Variants in RIMBP2 observed in about 807,000 individuals in gnomAD.
The protein encoded by RIMBP2 is RIMS binding protein 2.
Under a neutral mutation model 118.6 loss-of-function variants are expected in RIMBP2, and 48 were observed. The ratio of observed to expected loss-of-function variants is 0.40; its 90% confidence interval spans 0.32 to 0.51. RIMBP2 has a LOEUF of 0.51. RIMBP2 is among the 20% of genes least tolerant of loss of function. The pLI is 0.41. For missense variants in RIMBP2, 1,551 were observed against 1,768.3 expected, an observed-to-expected ratio of 0.88 and a Z score of 2.20; for synonymous variants, 762 against 742.9, an observed-to-expected ratio of 1.03 and a Z score of -0.42.
chr12:130,582,767 A>G (rs1265915999), intron 2 of RIMBP2, among the ~76,000 whole-genome samples: 1 of 152,156 alleles, frequency 6.6e-6, no homozygotes, highest in African/African-American at 2.4e-5. Context: ...CAAGCCTTCT[A>G]TGTGGTTCTG....
At chr12:130,510,789 C>T (rs1454611296) in intron 3 of RIMBP2, among the ~76,000 whole-genome samples, 8 of 152,178 alleles carry the variant, frequency 5.3e-5, no homozygotes, top group Admixed American at 5.2e-4. Context: ...CTTTCATGGA[C>T]CTCGTCTCAT....
chr12:130,506,221 C>A (rs541494979), intron 4 of RIMBP2, among the ~76,000 whole-genome samples: 2 of 151,984 alleles, frequency 1.3e-5, no homozygotes, highest in East Asian at 3.9e-4. Flanking sequence ...ACCTGTACCC[C>A]CTGATAGAGC....
chr12:130,494,365 A>G (rs12814740), intron 4 of RIMBP2, among the ~76,000 whole-genome samples: 20,770 of 152,146 alleles, frequency 0.14, 2,426 homozygotes, highest in African/African-American at 0.3. Flanking sequence ...GATGCAAAGC[A>G]CAGTGGCTCA....
intron 18 of RIMBP2, among the ~76,000 whole-genome samples, 185 bp downstream of exon 18, chr12:130,413,940 A>G (rs1248669919): frequency 6.6e-6 from 1 of 152,230 alleles, no homozygotes; most frequent in Admixed American, 6.5e-5. Context: ...CAGATGCTGG[A>G]GAAGGCACTT....
rs149905625 is a variant in RIMBP2 at position 130,434,830 on chromosome 12, G to A, written c.2157C>T (p.Ala719=). 4.0e-5 allele frequency: 64 copies of A among 1,613,634 alleles called. No individual in the cohort carries two copies. The highest frequency in any genetic ancestry group is 3.7e-4 in the African/African-American group (28 of 74,994). ...CATAGGCGTCCTCCTCGTCTGAGGC[G>A]GCGTACTGCCCCGCGCTGCTTCTCT... ...FLERSSAGQY[A]ASDEEDAYDS... is the part of the protein sequence containing the mutation. Residue 719 remains alanine (A), a synonymous_variant, in exon 14 of 23, where the codon GCC becomes GCT. Transcript: ENST00000690449. This position sits in a 1 kb window ranked among gnomAD's most constrained non-coding sequence, Gnocchi z 5.7.
rs1229510540 is a variant in RIMBP2, at chr12:130,524,463, A to T, written c.-216-6546T>A. 9.9e-5 allele frequency among the ~76,000 whole-genome samples: 15 copies of T among 152,146 alleles called. 1 individual carries two copies. The highest frequency in any genetic ancestry group is 9.2e-4 in the Admixed American group (14 of 15,272). ...TGCACAGACCCACAGTGGAGAGGAC[A>T]CACCACATGCAGAGAGCTACAGACA... On this transcript the variant is annotated intron_variant, in intron 2 of 22. Transcript: ENST00000690449.
chr12:130,658,768 G>C (rs953326182), intron 1 of RIMBP2: 2 of 152,246 alleles, frequency 1.3e-5, no homozygotes, highest in African/African-American at 4.8e-5. Flanking sequence ...GCCCGCACCC[G>C]CTGAGCCTTC....
At chr12:130,589,200 C>T (rs1004409302) in intron 2 of RIMBP2, among the ~76,000 whole-genome samples, 2 of 152,152 alleles carry the variant, frequency 1.3e-5, no homozygotes, top group African/African-American at 2.4e-5. Context: ...GGCTGTCAAC[C>T]CAATTAATTC....
rs12367154 is a variant in RIMBP2, at chr12:130,538,037, A to T, written c.-216-20120T>A. On this transcript the variant is annotated intron_variant, in intron 2 of 22. Coordinates refer to ENST00000690449, the MANE Select transcript of RIMBP2 (RefSeq NM_001393629.1). ...CCAAAAACTGACAAAAGCAAAATGC[A>T]GGTCAGTAGAACCCCTCAGTGTGGA... is the stretch of plus-strand genomic sequence containing the variant. 2.5e-3 allele frequency among the ~76,000 whole-genome samples: 385 copies of T among 152,284 alleles called. 1 individual carries two copies. The highest frequency in any genetic ancestry group is 4.6e-3 in the Non-Finnish European group (310 of 68,024).
At chr12:130,430,154 T>C (rs2136920318) in intron 14 of RIMBP2, 1 of 152,414 alleles carries the variant, frequency 6.6e-6, no homozygotes, top group Middle Eastern at 3.4e-3. Context: ...GCTCAGCAAG[T>C]AAACGACAGG....
chr12:130,424,987 T>C lies in RIMBP2; in HGVS notation c.2413-129A>G, dbSNP rs1364777334. ...GGCACCGAGGGGGGGGAAGCATGCG[T>C]CTACTCAGGCCGGGGGCATGCCGTG... On this transcript the variant is annotated intron_variant, in intron 15 of 22. Transcript: ENST00000690449. The surrounding 1 kb of genome is among the most constrained non-coding windows in gnomAD (Gnocchi z 9.8). 6.4e-6 allele frequency: 3 copies of C among 469,238 alleles called. No individual in the cohort carries two copies. The highest frequency in any genetic ancestry group is 1.0e-5 in the Non-Finnish European group (3 of 294,076). 29.1% of individuals were successfully genotyped at this position (469,238 alleles called of 1,614,324 possible). A position where few individuals can be genotyped will look rare whatever the true frequency, so the allele number is the denominator to read the frequency against.
intron 1 of RIMBP2, among the ~76,000 whole-genome samples, chr12:130,644,150 C>T (rs2062745811): frequency 1.3e-5 from 2 of 152,210 alleles, no homozygotes; most frequent in African/African-American, 2.4e-5. Context: ...GATTCAGGGG[C>T]CTGTAGCCTC....
At chr12:130,403,062 C>T (rs897692383) in intron 21 of RIMBP2, among the ~76,000 whole-genome samples, 2 of 152,146 alleles carry the variant, frequency 1.3e-5, no homozygotes, top group Non-Finnish European at 2.9e-5. Flanking sequence ...TGGGATATAG[C>T]AGAACAGAGA....
chr12:130,603,441 G>A (rs2059984555), intron 2 of RIMBP2, among the ~76,000 whole-genome samples: 1 of 152,126 alleles, frequency 6.6e-6, no homozygotes, highest in Non-Finnish European at 1.5e-5. Flanking sequence ...ATAGAGAAAT[G>A]GATAAGGAAA....
chr12:130,480,724 C>A (rs879277157), intron 4 of RIMBP2, among the ~76,000 whole-genome samples: 8 of 152,114 alleles, frequency 5.3e-5, no homozygotes, highest in Non-Finnish European at 1.2e-4. Flanking sequence ...CTTCAGCCTC[C>A]CTAGTAGCTG....
At chr12:130,438,988 A>G (rs922629932) in intron 11 of RIMBP2, among the ~76,000 whole-genome samples, 5 of 138,514 alleles carry the variant, frequency 3.6e-5, no homozygotes, top group African/African-American at 8.3e-5. Flanking sequence ...TCATCCTCTC[A>G]CCTTTTCTTC....
At chr12:130,693,324 T>C (rs1377492050) in intron 1 of RIMBP2, among the ~76,000 whole-genome samples, 2 of 152,192 alleles carry the variant, frequency 1.3e-5, no homozygotes, top group Non-Finnish European at 2.9e-5. Context: ...AGAGATAATT[T>C]AGGCAATTGG....
rs1394830985 is a variant in RIMBP2 at position 130,506,558 on chromosome 12, T to TA, written c.-4+89dup. ...TGATGGCTTCCAAAGGAGCTTTACA[T>TA]ACCTTCTGCTCGGGGTCCTGCAGCC... On this transcript the variant is annotated intron_variant, in intron 4 of 22. Coordinates refer to ENST00000690449, the MANE Select transcript of RIMBP2 (RefSeq NM_001393629.1). The TA allele has an allele frequency of 2.1e-5, 19 of 915,970 alleles. No homozygotes were observed. In the Admixed American group the frequency reaches 1.2e-3, roughly 57 times the overall value. The allele number at this position is 915,970 out of a possible 1,614,324, so 56.7% of individuals were successfully genotyped here. A position where few individuals can be genotyped will look rare whatever the true frequency, so the allele number is the denominator to read the frequency against.
At chr12:130,410,228 GGTT>G (rs1208223201) in intron 19 of RIMBP2, among the ~76,000 whole-genome samples, 4 of 152,126 alleles carry the variant, frequency 2.6e-5, no homozygotes, top group Non-Finnish European at 5.9e-5. Context: ...ATTTTTATTG[GGTT>G]GTTTTCTTAT....
Sources: gnomAD v4.1 joint callset for allele counts (sites outside exome capture counted in the v4.1 genomes callset) on GRCh38, gnomAD v4.1.1 for gene constraint, Gnocchi (gnomAD v3.1) non-coding constraint, MANE v1.5 for transcripts, NCBI Gene and HGNC (gene_info 2026-07-23, HGNC 2026-07-21) for gene names.